The following CHRM3 variants were observed in gnomAD, a reference collection of about 807,000 sequenced individuals.
CHRM3 encodes cholinergic receptor muscarinic 3.
In CHRM3, 11 loss-of-function variants were observed where a neutral mutation model predicts 41.8. That is an observed-to-expected ratio of 0.26 (90% CI 0.17 to 0.44). The LOEUF (loss-of-function observed/expected upper bound fraction) is 0.44. CHRM3 is among the 20% of genes least tolerant of loss of function. CHRM3 has a pLI of 1.00. For synonymous variants in CHRM3, 297 were observed against 301.4 expected (o/e 0.99, Z 0.15); for missense variants, 571 against 745.4 (o/e 0.77, Z 2.72).
Position 239,425,916 on chromosome 1 carries a change from T to C in CHRM3, c.-521+38689T>C, listed in dbSNP as rs1390309178. Among the ~76,000 whole-genome samples, 4 of 152,186 alleles carry C rather than the reference T, an allele frequency of 2.6e-5. No homozygotes were observed. The East Asian group carries it at 5.8e-4, about 22-fold the overall frequency. ...CTCTTATAAAAGCCGTTCAGTGTTCTGCTGAAGCCAGCTCATACCAGCTCA... is the reference window on the plus strand; with the variant it reads ...CTCTTATAAAAGCCGTTCAGTGTTCCGCTGAAGCCAGCTCATACCAGCTCA... On this transcript the variant is annotated intron_variant, in intron 1 of 6. Transcript: ENST00000676153.
intron 6 of CHRM3, among the ~76,000 whole-genome samples, chr1:239,854,323 C>T (rs1454489718): frequency 2.0e-4 from 30 of 152,074 alleles, no homozygotes; most frequent in Non-Finnish European, 3.7e-4. Context: ...TCATAAAATA[C>T]CTATTGAGCT....
chr1:239,813,689 G>A (rs80346906), intron 5 of CHRM3, among the ~76,000 whole-genome samples: 6,678 of 146,548 alleles, frequency 0.046, 180 homozygotes, highest in African/African-American at 0.073. Context: ...AGGCCGAGGC[G>A]GGCGGATCAC....
chr1:239,533,561 T>C (rs907723001), intron 2 of CHRM3, among the ~76,000 whole-genome samples: 14 of 149,348 alleles, frequency 9.4e-5, no homozygotes, highest in Non-Finnish European at 2.1e-4. Context: ...TGAAACCCCG[T>C]CTCTACTAAA....
At chr1:239,862,430 T>G (rs1454372305) in intron 6 of CHRM3, among the ~76,000 whole-genome samples, 1 of 152,162 alleles carries the variant, frequency 6.6e-6, no homozygotes, top group African/African-American at 2.4e-5. Flanking sequence ...ATCAGTGCAG[T>G]CAAAACTACA....
chr1:239,606,230 AACTT>A (rs1470487604), intron 3 of CHRM3: 2 of 151,996 alleles, frequency 1.3e-5, no homozygotes, highest in Non-Finnish European at 2.9e-5. Context: ...TATTATTTCT[AACTT>A]AATTAAGTAC....
intron 6 of CHRM3, among the ~76,000 whole-genome samples, chr1:239,850,510 A>T (rs1674614889): frequency 6.6e-6 from 1 of 152,158 alleles, no homozygotes; most frequent in Non-Finnish European, 1.5e-5. Flanking sequence ...GGTCAACTGT[A>T]TGCTCTTTTC....
chr1:239,581,116 C>G (rs574404985), intron 3 of CHRM3, among the ~76,000 whole-genome samples: 5 of 152,126 alleles, frequency 3.3e-5, no homozygotes, highest in African/African-American at 1.2e-4. Context: ...GGAGAACATG[C>G]AGCATACGGT....
chr1:239,506,442 A>G (rs557576510), intron 2 of CHRM3, among the ~76,000 whole-genome samples: 1 of 152,306 alleles, frequency 6.6e-6, no homozygotes, highest in Non-Finnish European at 1.5e-5. Flanking sequence ...AAGTCTTGAC[A>G]GCTTCCACGT....
intron 5 of CHRM3, among the ~76,000 whole-genome samples, chr1:239,712,063 C>T (rs925531706): frequency 2.0e-5 from 3 of 152,134 alleles, no homozygotes; most frequent in Non-Finnish European, 2.9e-5. Flanking sequence ...ACAAAGAAAA[C>T]CCTCCCTTTA....
At chr1:239,408,861 G>C (rs1461935961) in intron 1 of CHRM3, among the ~76,000 whole-genome samples, 2 of 151,386 alleles carry the variant, frequency 1.3e-5, no homozygotes, top group East Asian at 3.9e-4. Flanking sequence ...GACTCAAGCA[G>C]TCCTCCCGCT....
chr1:239,692,835 T>C lies in CHRM3; in HGVS notation c.-147+14547T>C, dbSNP rs1402919987. ...GGTGAAACTTGGGAAATTGCAGGAG[T>C]GAGACTTAAAGAAAATTGTAGCATT... On this transcript the variant is annotated intron_variant, in intron 5 of 6. Coordinates refer to ENST00000676153, the MANE Select transcript of CHRM3 (RefSeq NM_001375978.1). 1.7e-4 allele frequency among the ~76,000 whole-genome samples: 26 copies of C among 151,942 alleles called. 1 individual carries two copies. The highest frequency in any genetic ancestry group is 1.6e-3 in the Admixed American group (25 of 15,244).
At chr1:239,797,173 G>A (rs1438208821) in intron 5 of CHRM3, among the ~76,000 whole-genome samples, 2 of 152,090 alleles carry the variant, frequency 1.3e-5, no homozygotes, top group Non-Finnish European at 2.9e-5. Context: ...ACATAAAGAT[G>A]AGAACAATAG....
intron 2 of CHRM3, among the ~76,000 whole-genome samples, chr1:239,537,100 A>T (rs1431076027): frequency 6.6e-6 from 1 of 150,734 alleles, no homozygotes; most frequent in Admixed American, 6.6e-5. Context: ...GCAGTTTCTT[A>T]AAAAAAAATA....
chr1:239,794,262 A>G (rs1393851488), intron 5 of CHRM3, among the ~76,000 whole-genome samples: 1 of 152,218 alleles, frequency 6.6e-6, no homozygotes, highest in Non-Finnish European at 1.5e-5. Flanking sequence ...AGTGAAATAA[A>G]TGAGATGTGG....
At chr1:239,418,558 A>G (rs1281116498) in intron 1 of CHRM3, among the ~76,000 whole-genome samples, 3 of 152,186 alleles carry the variant, frequency 2.0e-5, no homozygotes, top group African/African-American at 7.2e-5. Context: ...GTCTATCAAT[A>G]TTCATGTTTT....
intron 1 of CHRM3, among the ~76,000 whole-genome samples, chr1:239,410,621 C>T (rs1051130972): frequency 1.2e-4 from 18 of 152,274 alleles, no homozygotes; most frequent in Admixed American, 1.1e-3. Flanking sequence ...AGTCTTTTAC[C>T]TCCCGTATGG....
At chr1:239,589,678 G>GA (rs1663885414) in intron 3 of CHRM3, among the ~76,000 whole-genome samples, 3 of 133,106 alleles carry the variant, frequency 2.3e-5, no homozygotes, top group Non-Finnish European at 4.7e-5. Flanking sequence ...ATAGTTTTAT[G>GA]TAATTTCCAT....
At chr1:239,898,968 A>G (rs1452947144) in intron 6 of CHRM3, among the ~76,000 whole-genome samples, 1 of 152,230 alleles carries the variant, frequency 6.6e-6, no homozygotes, top group East Asian at 1.9e-4. Context: ...TAAATTCAGT[A>G]CTGTCAAACT....
chr1:239,488,038 C>T (rs1273518551), intron 1 of CHRM3, among the ~76,000 whole-genome samples: 1 of 152,100 alleles, frequency 6.6e-6, no homozygotes, highest in East Asian at 1.9e-4. Flanking sequence ...ATAAGACACA[C>T]TGATTTGCAA....
Sources: allele counts gnomAD v4.1 joint callset (sites outside exome capture counted in the v4.1 genomes callset), GRCh38; gene constraint gnomAD v4.1.1; transcripts MANE v1.5; gene names NCBI Gene and HGNC (gene_info 2026-07-23, HGNC 2026-07-21).